MND1: variants seen among roughly 807,000 people sequenced by gnomAD.
The protein encoded by MND1 is meiotic nuclear divisions 1, also known as meiotic nuclear division protein 1 homolog.
Under a neutral mutation model 35.1 loss-of-function variants are expected in MND1, and 28 were observed. The ratio of observed to expected loss-of-function variants is 0.80; its 90% CI spans 0.59 to 1.09. The LOEUF (loss-of-function observed/expected upper bound fraction) is 1.09. Among genes scored for constraint, MND1 ranks in the 50% least tolerant of loss-of-function variants. The pLI is 0.00. For missense variants in MND1, 213 were observed against 239.6 expected (o/e 0.89, Z 0.73); for synonymous variants, 69 against 70.5 (o/e 0.98, Z 0.11).
At chr4:153,359,457 A>G (rs922918037) in intron 4 of MND1, among the ~76,000 whole-genome samples, 4 of 152,228 alleles carry the variant, frequency 2.6e-5, no homozygotes, top group African/African-American at 9.6e-5. Context: ...TCTGGGTCAC[A>G]TCCAAGTTTG....
chr4:153,349,970 A>G (rs1214401858), intron 1 of MND1, 94 bp from the exon 2 acceptor site: 12 of 837,810 alleles, frequency 1.4e-5, no homozygotes, highest in Non-Finnish European at 2.3e-5. Flanking sequence ...TTGGCATCAG[A>G]TAAGACCATG....
chr4:153,360,197 T>G (rs1773447664), intron 4 of MND1, among the ~76,000 whole-genome samples: 1 of 152,176 alleles, frequency 6.6e-6, no homozygotes, highest in Non-Finnish European at 1.5e-5. Context: ...GTTTTAAGAG[T>G]TCTTTGTATA....
chr4:153,391,727 T>TACACACAC lies in MND1; in HGVS notation c.277-2519_277-2512dup, dbSNP rs71598272. Among the ~76,000 whole-genome samples, 522 of 142,348 alleles carry TACACACAC rather than the reference T, an allele frequency of 3.7e-3. 4 individuals are homozygous for TACACACAC. Among genetic ancestry groups the TACACACAC allele is most frequent in the African/African-American group, 0.011 (421 of 37,166 alleles). The allele number at this position is 142,348 out of a possible 152,430, so 93.4% of individuals were successfully genotyped here. ...GGGCAAGAAGAGTGAAACTCCATCA[T>TACACACAC]ACACACACACACACACACACACATA... On this transcript the variant is annotated intron_variant, in intron 4 of 7. Transcript: ENST00000240488.
chr4:153,395,151 T>C (rs1197979327), intron 5 of MND1, among the ~76,000 whole-genome samples: 1 of 152,254 alleles, frequency 6.6e-6, no homozygotes. Context: ...CAGTCACAGA[T>C]AGGAATTGGA....
intron 4 of MND1, among the ~76,000 whole-genome samples, chr4:153,362,625 A>T (rs1773524065): frequency 6.6e-6 from 1 of 152,164 alleles, no homozygotes; most frequent in South Asian, 2.1e-4. Context: ...CACATACTTA[A>T]CTTATATTTT....
intron 6 of MND1, among the ~76,000 whole-genome samples, chr4:153,402,780 C>T (rs1281254633): frequency 6.6e-6 from 1 of 152,078 alleles, no homozygotes; most frequent in Non-Finnish European, 1.5e-5. Context: ...TTGTCTATAA[C>T]AATTATAAAC....
intron 6 of MND1, among the ~76,000 whole-genome samples, chr4:153,405,909 A>G (rs62324674): frequency 0.018 from 2,675 of 152,128 alleles, 31 homozygotes; most frequent in Middle Eastern, 0.027. Flanking sequence ...GGTTCAGGCC[A>G]TTCTCCTGCC....
chr4:153,381,045 G>T (rs187845282), intron 4 of MND1, among the ~76,000 whole-genome samples: 39 of 151,912 alleles, frequency 2.6e-4, no homozygotes, highest in African/African-American at 8.9e-4. Context: ...GACTATAGGC[G>T]CCTGCCACCA....
At chr4:153,366,892 CT>C (rs1773649583) in intron 4 of MND1, among the ~76,000 whole-genome samples, 1 of 152,158 alleles carries the variant, frequency 6.6e-6, no homozygotes, top group Non-Finnish European at 1.5e-5. Flanking sequence ...AGATTAAGAG[CT>C]TGTCCAAGGT....
At chr4:153,382,843 A>G (rs769335085) in intron 4 of MND1, among the ~76,000 whole-genome samples, 1 of 152,226 alleles carries the variant, frequency 6.6e-6, no homozygotes, top group African/African-American at 2.4e-5. Context: ...ATGGTGGACA[A>G]TCTTAATTCT....
At chr4:153,384,403 A>G (rs1323707498) in intron 4 of MND1, among the ~76,000 whole-genome samples, 1 of 133,642 alleles carries the variant, frequency 7.5e-6, no homozygotes, top group Non-Finnish European at 1.6e-5. Flanking sequence ...TTGAGTAGCT[A>G]GGACTACAGG....
chr4:153,411,720 A>T (rs1202868440), intron 7 of MND1, among the ~76,000 whole-genome samples: 1 of 152,184 alleles, frequency 6.6e-6, no homozygotes, highest in East Asian at 1.9e-4. Flanking sequence ...GTTCCCTACA[A>T]GCTTCCTACA....
chr4:153,372,141 A>G (rs1773804783), intron 4 of MND1, among the ~76,000 whole-genome samples: 1 of 152,108 alleles, frequency 6.6e-6, no homozygotes, highest in Admixed American at 6.5e-5. Flanking sequence ...AAGATCACAG[A>G]TCACCGTGAC....
intron 4 of MND1, among the ~76,000 whole-genome samples, chr4:153,377,473 C>T (rs1470319421): frequency 1.3e-5 from 2 of 152,132 alleles, no homozygotes; most frequent in African/African-American, 4.8e-5. Context: ...CTTGCTATGG[C>T]AGGCATTGTG....
chr4:153,411,017 A>G (rs1246540498), intron 7 of MND1, among the ~76,000 whole-genome samples: 19 of 152,184 alleles, frequency 1.2e-4, no homozygotes, highest in Non-Finnish European at 4.4e-5. Context: ...TTAAAAATGT[A>G]GCTAGAATTG....
chr4:153,348,862 G>A lies in MND1; in HGVS notation c.4-1202G>A, dbSNP rs141410464. On this transcript the variant is annotated intron_variant, in intron 1 of 7. Coordinates refer to ENST00000240488, the MANE Select transcript of MND1 (RefSeq NM_032117.4). ...AATTAAGACTCACTCACTCCAGTAT[G>A]TAGCCAGAATGGCAATTCCAAATCC... Among the ~76,000 whole-genome samples, 232 of 152,300 alleles carry A rather than the reference G, an allele frequency of 1.5e-3. 2 individuals are homozygous for A. Among genetic ancestry groups the A allele is most frequent in the Admixed American group, 7.6e-3 (117 of 15,296 alleles).
chr4:153,390,933 G>A (rs955821168), intron 4 of MND1, among the ~76,000 whole-genome samples: 3 of 144,660 alleles, frequency 2.1e-5, no homozygotes, highest in Non-Finnish European at 4.5e-5. Flanking sequence ...GTGTGTGTGT[G>A]TGTGTGTGTA....
At chr4:153,396,507 T>G (rs1052536218) in intron 5 of MND1, among the ~76,000 whole-genome samples, 1 of 152,250 alleles carries the variant, frequency 6.6e-6, no homozygotes, top group Non-Finnish European at 1.5e-5. Context: ...TATCCTATGA[T>G]TCTGTACTAT....
At chr4:153,382,148 G>A (rs999027824) in intron 4 of MND1, 2 of 151,888 alleles carry the variant, frequency 1.3e-5, no homozygotes, top group Non-Finnish European at 2.9e-5. Flanking sequence ...CAGATACAGG[G>A]CCTTGTTCAG....
Sources: allele counts gnomAD v4.1 joint callset (sites outside exome capture counted in the v4.1 genomes callset), GRCh38; gene constraint gnomAD v4.1.1; transcripts MANE v1.5; gene names NCBI Gene and HGNC (gene_info 2026-07-23, HGNC 2026-07-21).